The following ATP13A3 variants were observed in gnomAD, a reference collection of about 807,000 sequenced individuals.
ATP13A3 encodes ATPase 13A3.
In ATP13A3, 59 loss-of-function variants were observed where a neutral mutation model predicts 158.1. That is an observed-to-expected ratio of 0.37 (90% CI 0.30 to 0.46). The LOEUF (loss-of-function observed/expected upper bound fraction) is 0.46. Ranked by LOEUF, ATP13A3 falls within the 20% of genes least tolerant of loss-of-function variation. The pLI is 1.00. For synonymous variants in ATP13A3, 491 were observed against 504.3 expected, an observed-to-expected ratio of 0.97 and a Z score of 0.35; for missense variants, 1,166 against 1,525.2, an observed-to-expected ratio of 0.76 and a Z score of 3.92.
intron 6 of ATP13A3, 106 bp from the exon 7 acceptor site, chr3:194,457,280 C>A: frequency 1.3e-6 from 1 of 759,284 alleles, no homozygotes; most frequent in African/African-American, 1.8e-5. Flanking sequence ...GACTTCCTTA[C>A]AAATCCTTAG....
At position 194,431,876 on chromosome 3, in the gene ATP13A3, A is replaced by C; in HGVS notation, c.2262T>G (p.Thr754=). ...CACAATCTCTGGCCACAGAGACAGCAGTCAACATACTGTCACCTAATTTTC... is the reference window on the plus strand; with the variant it reads ...CACAATCTCTGGCCACAGAGACAGCCGTCAACATACTGTCACCTAATTTTC... The part of the protein sequence containing the change: ...TVMVTGDSML[T]AVSVARDCGM... The change falls in exon 22 of 34, where the codon ACT becomes ACG. Residue 754 remains threonine, a synonymous_variant. Transcript: ENST00000645319. 1 of 1,596,192 alleles carries C rather than the reference A, an allele frequency of 6.3e-7. No individual in the cohort carries two copies. The highest frequency in any genetic ancestry group is 1.1e-5 in the South Asian group (1 of 87,568).
intron 30 of ATP13A3, among the ~76,000 whole-genome samples, chr3:194,420,679 C>A (rs1044806246): frequency 5.8e-4 from 88 of 152,084 alleles, no homozygotes; most frequent in Non-Finnish European, 4.4e-5. Context: ...AACTCAAAAA[C>A]CAAACTGCTT....
At chr3:194,461,813 G>T (rs1719684058) in intron 3 of ATP13A3, among the ~76,000 whole-genome samples, 1 of 152,026 alleles carries the variant, frequency 6.6e-6, no homozygotes, top group African/African-American at 2.4e-5. Flanking sequence ...GAAAATTTTT[G>T]TAAGTCAAAA....
At chr3:194,430,447 T>C (rs1375310657) in intron 24 of ATP13A3, 132 bp from the exon 25 acceptor site, 1 of 1,021,448 alleles carries the variant, frequency 9.8e-7, no homozygotes, top group Non-Finnish European at 1.5e-6. Context: ...ACTATGAATC[T>C]TTTCACTATA....
intron 33 of ATP13A3, among the ~76,000 whole-genome samples, chr3:194,409,530 C>T (rs1176325940): frequency 6.6e-6 from 1 of 152,056 alleles, no homozygotes; most frequent in Non-Finnish European, 1.5e-5. Flanking sequence ...GGCACAAATG[C>T]TTCTAAAGAG....
chr3:194,423,842 T>A (rs1716564049), intron 30 of ATP13A3, among the ~76,000 whole-genome samples: 1 of 152,104 alleles, frequency 6.6e-6, no homozygotes, highest in African/African-American at 2.4e-5. Flanking sequence ...TTCTCTTTTT[T>A]AATTCTAACA....
chr3:194,444,683 T>C lies in ATP13A3; in HGVS notation c.1559+42A>G, dbSNP rs766044625. The stretch of plus-strand genomic sequence containing the variant: ...TTGAATGTTGCACATGTTAAAATAT[T>C]AAAAATAAACTAATAAACTATCAAG... On this transcript the variant is annotated intron_variant, in intron 15 of 33. Transcript: ENST00000645319. The C allele has an allele frequency of 4.7e-6, 7 of 1,500,556 alleles. No individual in the cohort carries two copies. The Admixed American group carries it at 6.5e-5, about 14-fold the overall frequency. 93.0% of individuals were successfully genotyped at this position (1,500,556 alleles called of 1,614,324 possible).
intron 30 of ATP13A3, among the ~76,000 whole-genome samples, chr3:194,424,105 C>T (rs752917477): frequency 2.0e-5 from 3 of 151,582 alleles, no homozygotes; most frequent in Non-Finnish European, 4.4e-5. Flanking sequence ...TTAGAAATAC[C>T]GTGGCAAACC....
chr3:194,463,515 A>T (rs1719800984), intron 2 of ATP13A3, among the ~76,000 whole-genome samples: 1 of 152,138 alleles, frequency 6.6e-6, no homozygotes, highest in Non-Finnish European at 1.5e-5. Context: ...AAAGCTCTTT[A>T]GCATCCACAA....
At chr3:194,416,714 G>C (rs1715881091) in intron 31 of ATP13A3, among the ~76,000 whole-genome samples, 1 of 152,068 alleles carries the variant, frequency 6.6e-6, no homozygotes, top group African/African-American at 2.4e-5. Flanking sequence ...GAAACAAACT[G>C]CTGGGGAGTC....
chr3:194,420,037 A>T (rs1577033090), intron 30 of ATP13A3, 70 bp from the exon 31 acceptor site: 1 of 1,417,758 alleles, frequency 7.1e-7, no homozygotes, highest in East Asian at 2.8e-5. Context: ...ATCCAATAAC[A>T]GCTGGTATAC....
intron 15 of ATP13A3, among the ~76,000 whole-genome samples, chr3:194,443,019 T>C (rs1291583598): frequency 6.7e-6 from 1 of 150,192 alleles, no homozygotes; most frequent in Non-Finnish European, 1.5e-5. Flanking sequence ...TCCTTTACTT[T>C]CTTAAATTTG....
At chr3:194,455,014 A>G (rs1719121462) in intron 8 of ATP13A3, among the ~76,000 whole-genome samples, 1 of 152,244 alleles carries the variant, frequency 6.6e-6, no homozygotes, top group South Asian at 2.1e-4. Flanking sequence ...CTTTGGCAAT[A>G]AAGTACATTT....
intron 2 of ATP13A3, among the ~76,000 whole-genome samples, chr3:194,472,392 T>C (rs1720345050): frequency 6.6e-6 from 1 of 152,150 alleles, no homozygotes; most frequent in Non-Finnish European, 1.5e-5. Context: ...GCAGATAGAA[T>C]AATTTCTACA....
At chr3:194,469,157 C>T (rs1167699990) in intron 2 of ATP13A3, among the ~76,000 whole-genome samples, 2 of 150,038 alleles carry the variant, frequency 1.3e-5, no homozygotes, top group Non-Finnish European at 3.0e-5. Flanking sequence ...AAAAAAAAAG[C>T]GCATCATTCA....
chr3:194,454,810 C>A (rs940786652), intron 8 of ATP13A3, among the ~76,000 whole-genome samples: 6 of 145,302 alleles, frequency 4.1e-5, no homozygotes, highest in Non-Finnish European at 1.5e-5. Context: ...GGAGACAGAG[C>A]GAGACTCCGT....
intron 15 of ATP13A3, among the ~76,000 whole-genome samples, 173 bp from the exon 16 acceptor site, chr3:194,441,634 G>A (rs1485061946): frequency 6.6e-6 from 1 of 152,054 alleles, no homozygotes; most frequent in African/African-American, 2.4e-5. Flanking sequence ...AAACCAGAGG[G>A]GTGTGAACTT....
At chr3:194,441,165 G>T in intron 16 of ATP13A3, 146 bp downstream of exon 16, 1 of 669,730 alleles carries the variant, frequency 1.5e-6, no homozygotes, top group Non-Finnish European at 2.4e-6. Context: ...TCCAGTTGAT[G>T]TAGCTTTAGA....
intron 2 of ATP13A3, among the ~76,000 whole-genome samples, chr3:194,474,945 CTAAT>C (rs1489227121): frequency 6.6e-6 from 1 of 152,034 alleles, no homozygotes. Context: ...GTTTAAATTA[CTAAT>C]TAAAGTATTC....
Sources: gnomAD v4.1 joint callset for allele counts (sites outside exome capture counted in the v4.1 genomes callset) on GRCh38, gnomAD v4.1.1 for gene constraint, MANE v1.5 for transcripts, NCBI Gene and HGNC (gene_info 2026-07-23, HGNC 2026-07-21) for gene names.